Variants in ZNF420 observed in about 807,000 individuals in gnomAD.
ZNF420 encodes ATM and p53-associated KZNF protein.
In ZNF420, 31 loss-of-function variants were observed where a neutral mutation model predicts 44.7. The observed-to-expected ratio is 0.69, with a 90% CI of 0.52 to 0.94. ZNF420 has a LOEUF of 0.94. Ranked by LOEUF, ZNF420 falls within the 40% of genes least tolerant of loss-of-function variation. The pLI is 0.00. For missense variants in ZNF420, 681 were observed against 827.9 expected, an observed-to-expected ratio of 0.82 and a Z score of 2.18; for synonymous variants, 245 against 267.4, an observed-to-expected ratio of 0.92 and a Z score of 0.82.
chr19:37,108,101 A>G (rs1292863461), intron 4 of ZNF420, among the ~76,000 whole-genome samples: 1 of 152,222 alleles, frequency 6.6e-6, no homozygotes. Flanking sequence ...GATCAATACC[A>G]GATTGTGAAT....
At chr19:37,062,035 C>T (rs549387312) in intron 1 of ZNF420, among the ~76,000 whole-genome samples, 2 of 152,280 alleles carry the variant, frequency 1.3e-5, no homozygotes, top group South Asian at 2.1e-4. Flanking sequence ...CTATAATTTG[C>T]GCATGTCACA....
chr19:37,033,360 C>T (rs778066840), intron 1 of ZNF420, among the ~76,000 whole-genome samples: 7 of 152,146 alleles, frequency 4.6e-5, no homozygotes, highest in Non-Finnish European at 1.0e-4. Context: ...AACAATAGCC[C>T]TTCATTACTC....
chr19:37,093,214 T>G (rs1969253954), intron 4 of ZNF420: 1 of 151,876 alleles, frequency 6.6e-6, no homozygotes, highest in African/African-American at 2.4e-5. Flanking sequence ...CAACCACATC[T>G]CGCGTGAACT....
At chr19:37,054,689 G>A (rs377031763) in intron 1 of ZNF420, among the ~76,000 whole-genome samples, 183 of 152,298 alleles carry the variant, frequency 1.2e-3, no homozygotes, top group African/African-American at 4.3e-3. Flanking sequence ...TAGCAAACAC[G>A]GTGGAGGGTG....
At chr19:37,110,261 C>T (rs1482271432) in intron 4 of ZNF420, among the ~76,000 whole-genome samples, 5 of 152,150 alleles carry the variant, frequency 3.3e-5, no homozygotes, top group African/African-American at 1.2e-4. Context: ...TTTGCCATAA[C>T]GCATTAGGAC....
chr19:37,111,735 G>A (rs186995348), intron 4 of ZNF420: 62 of 152,266 alleles, frequency 4.1e-4, no homozygotes, highest in African/African-American at 1.4e-3. Context: ...CTGAAACCTG[G>A]TGGCTGGTTC....
intron 1 of ZNF420, among the ~76,000 whole-genome samples, chr19:37,022,101 T>G (rs1031191321): frequency 6.6e-5 from 10 of 151,698 alleles, no homozygotes; most frequent in Non-Finnish European, 1.5e-5. Context: ...GGAAATTGTT[T>G]TTGGGGAGAT....
chr19:37,105,139 A>G (rs974588823), intron 4 of ZNF420, among the ~76,000 whole-genome samples: 7 of 152,290 alleles, frequency 4.6e-5, no homozygotes, highest in East Asian at 1.9e-4. Context: ...TAGGTCTAAC[A>G]TTTAAGTCTT....
At chr19:37,064,298 A>G (rs1411171137) in intron 1 of ZNF420, among the ~76,000 whole-genome samples, 1 of 152,188 alleles carries the variant, frequency 6.6e-6, no homozygotes, top group Non-Finnish European at 1.5e-5. Context: ...CAATTTATTA[A>G]TTTATGTCAG....
intron 1 of ZNF420, among the ~76,000 whole-genome samples, chr19:37,038,681 G>A (rs112311248): frequency 0.012 from 1,884 of 152,180 alleles, 50 homozygotes; most frequent in African/African-American, 0.044. Context: ...GGCAGGGCGC[G>A]GTGGCTCAGG....
At chr19:37,012,552 G>T (rs2074578023) in intron 1 of ZNF420, among the ~76,000 whole-genome samples, 1 of 152,200 alleles carries the variant, frequency 6.6e-6, no homozygotes, top group Admixed American at 6.5e-5. Flanking sequence ...GCGGAGTCTG[G>T]GGGAAGCAGC....
At chr19:37,054,619 T>A (rs532887004) in intron 1 of ZNF420, among the ~76,000 whole-genome samples, 1 of 152,332 alleles carries the variant, frequency 6.6e-6, no homozygotes, top group African/African-American at 2.4e-5. Flanking sequence ...TGAGTCCTTT[T>A]TACCACACTG....
At position 37,090,992 on chromosome 19, in the gene ZNF420, C is replaced by T; in HGVS notation, c.10-3C>T. 6.2e-7 allele frequency: 1 copy of T among 1,604,842 alleles called. No homozygotes were observed. The highest frequency in any genetic ancestry group is 1.3e-5 in the African/African-American group (1 of 74,380). On this transcript the variant is annotated splice_region_variant and splice_polypyrimidine_tract_variant and intron_variant, in intron 3 of 4. Coordinates refer to ENST00000337995, the MANE Select transcript of ZNF420 (RefSeq NM_144689.5). ...AAAATTAACATTTTGTTTGTTGTTT[C>T]AGAAATTAGTGATGTTCAGGGATGT...
chr19:37,102,477 T>G (rs1969834017), intron 4 of ZNF420, among the ~76,000 whole-genome samples: 1 of 152,066 alleles, frequency 6.6e-6, no homozygotes, highest in African/African-American at 2.4e-5. Context: ...GTGTGCATGA[T>G]TCCTCCTGGA....
intron 4 of ZNF420, among the ~76,000 whole-genome samples, chr19:37,110,352 T>C (rs564953266): frequency 6.0e-4 from 91 of 152,328 alleles, no homozygotes; most frequent in African/African-American, 2.1e-3. Context: ...TACAATATTT[T>C]TTGCCTGTTT....
At position 37,128,552 on chromosome 19, in the gene ZNF420, C is replaced by T. The variant is rs753607371; in HGVS notation, c.1561C>T (p.His521Tyr). 6.2e-7 allele frequency: 1 copy of T among 1,613,760 alleles called. No individual in the cohort carries two copies. Among genetic ancestry groups the T allele is most frequent in the Non-Finnish European group, 8.5e-7 (1 of 1,179,906 alleles). ...TACTCAGAGTTCACATCTTTCCCAA[C>T]ATCAAAGACTTCACACTGGTGAGAA... ...AFTQSSHLSQHQRLHTGEKPY... is the reference protein window; with the variant it reads ...AFTQSSHLSQYQRLHTGEKPY... The change falls in exon 5 of 5, where the codon CAT becomes TAT. Residue 521 changes from histidine to tyrosine, a missense_variant. Physicochemically the swap from His to Tyr is moderately conservative, Grantham distance 83. Coordinates refer to ENST00000337995, the MANE Select transcript of ZNF420 (RefSeq NM_144689.5).
chr19:37,026,721 C>G, intron 1 of ZNF420, among the ~76,000 whole-genome samples: 1 of 152,208 alleles, frequency 6.6e-6, no homozygotes, highest in East Asian at 1.9e-4. Flanking sequence ...CTCAGCCTCC[C>G]AAAGTGCTGG....
chr19:37,096,474 G>C (rs1568454755), intron 4 of ZNF420, among the ~76,000 whole-genome samples: 1 of 152,042 alleles, frequency 6.6e-6, no homozygotes, highest in Non-Finnish European at 1.5e-5. Flanking sequence ...TGCTGGATTT[G>C]TTTTTCTTTC....
At chr19:37,055,093 G>T (rs929510102) in intron 1 of ZNF420, among the ~76,000 whole-genome samples, 36 of 152,316 alleles carry the variant, frequency 2.4e-4, no homozygotes, top group African/African-American at 8.4e-4. Context: ...TAAGATACAA[G>T]AATTCAGCTG....
Sources: gnomAD v4.1 joint callset for allele counts (sites outside exome capture counted in the v4.1 genomes callset) on GRCh38, gnomAD v4.1.1 for gene constraint, MANE v1.5 for transcripts, NCBI Gene and HGNC (gene_info 2026-07-23, HGNC 2026-07-21) for gene names.